Variants in XRCC4 observed in about 807,000 individuals in gnomAD.
The protein encoded by XRCC4 is DNA repair protein XRCC4.
In XRCC4, 28 loss-of-function variants were observed where a neutral mutation model predicts 39.1. The observed-to-expected ratio is 0.72, with a 90% CI of 0.53 to 0.98. XRCC4 has a LOEUF of 0.98. XRCC4 is among the 50% of genes least tolerant of loss of function. The pLI is 0.00. For synonymous variants in XRCC4, 123 were observed against 126.4 expected (o/e 0.97, Z 0.18); for missense variants, 350 against 376.4 (o/e 0.93, Z 0.58).
intron 3 of XRCC4, among the ~76,000 whole-genome samples, chr5:83,165,826 G>A (rs907722465): frequency 1.1e-4 from 16 of 151,712 alleles, no homozygotes; most frequent in African/African-American, 3.1e-4. Context: ...CATTCTTGTG[G>A]CTGCGTAGTA....
chr5:83,356,645 A>AT (rs1757193137), downstream of XRCC4: 1 of 419,236 alleles, frequency 2.4e-6, no homozygotes, highest in African/African-American at 2.1e-5. Context: ...TTATATAGAC[A>AT]GAGATCTACA....
chr5:83,215,642 C>A (rs1751829107), intron 6 of XRCC4, among the ~76,000 whole-genome samples: 1 of 152,098 alleles, frequency 6.6e-6, no homozygotes, highest in South Asian at 2.1e-4. Flanking sequence ...AAATGAGAAT[C>A]TAGAATTGAG....
chr5:83,080,162 C>T (rs1413712099), intron 1 of XRCC4, among the ~76,000 whole-genome samples: 2 of 152,134 alleles, frequency 1.3e-5, no homozygotes, highest in Non-Finnish European at 2.9e-5. Flanking sequence ...ATACAGTAGT[C>T]CCTCCTTATC....
intron 3 of XRCC4, among the ~76,000 whole-genome samples, chr5:83,189,993 G>A (rs1750622197): frequency 6.6e-6 from 1 of 152,174 alleles, no homozygotes; most frequent in Non-Finnish European, 1.5e-5. Context: ...GAACCCAGGA[G>A]GCGGAGCTTG....
chr5:83,357,348 A>G (rs1757201629), downstream of XRCC4, among the ~76,000 whole-genome samples: 1 of 152,212 alleles, frequency 6.6e-6, no homozygotes, highest in Non-Finnish European at 1.5e-5. Flanking sequence ...GTAATGAACT[A>G]TAATATGAAG....
At chr5:83,161,424 G>A (rs940713223) in intron 3 of XRCC4, among the ~76,000 whole-genome samples, 1 of 152,078 alleles carries the variant, frequency 6.6e-6, no homozygotes, top group Non-Finnish European at 1.5e-5. Flanking sequence ...GAGCCACCAC[G>A]ACCGGCCCTT....
chr5:83,368,000 G>A, the XRCC4 span, among the ~76,000 whole-genome samples: 3 of 151,448 alleles, frequency 2.0e-5, no homozygotes, highest in Non-Finnish European at 4.4e-5. Flanking sequence ...AAACACAGCT[G>A]ATGCAAGTGC....
chr5:83,344,415 C>CTTTTTTTTTTT (rs70973394), intron 7 of XRCC4, among the ~76,000 whole-genome samples: 7 of 115,240 alleles, frequency 6.1e-5, no homozygotes, highest in East Asian at 2.5e-4. Context: ...TTATTTTTCA[C>CTTTTTTTTTTT]TTTTTTTTTT....
chr5:83,162,781 C>T (rs1749276361), intron 3 of XRCC4, among the ~76,000 whole-genome samples: 1 of 152,152 alleles, frequency 6.6e-6, no homozygotes, highest in Admixed American at 6.5e-5. Flanking sequence ...AGAGGACTTT[C>T]ATCTTGTCCC....
intron 3 of XRCC4, among the ~76,000 whole-genome samples, chr5:83,116,225 A>G (rs1746703490): frequency 6.6e-6 from 1 of 152,210 alleles, no homozygotes; most frequent in Non-Finnish European, 1.5e-5. Flanking sequence ...GTTGCCAAAA[A>G]TGACCTCCTA....
At chr5:83,341,466 A>G (rs1756756948) in intron 7 of XRCC4, among the ~76,000 whole-genome samples, 1 of 152,206 alleles carries the variant, frequency 6.6e-6, no homozygotes, top group East Asian at 1.9e-4. Context: ...ATTTTAGTGT[A>G]TAATATGTAT....
chr5:83,370,528 C>T, the XRCC4 span, among the ~76,000 whole-genome samples: 2 of 152,142 alleles, frequency 1.3e-5, no homozygotes, highest in Non-Finnish European at 2.9e-5. Context: ...TACCCTACTG[C>T]CTGTCCAAGT....
intron 6 of XRCC4, among the ~76,000 whole-genome samples, chr5:83,238,155 A>C (rs939477672): frequency 1.3e-5 from 2 of 152,136 alleles, no homozygotes; most frequent in Non-Finnish European, 2.9e-5. Flanking sequence ...GAGAGGCCTT[A>C]TGGTATTCAA....
intron 7 of XRCC4, among the ~76,000 whole-genome samples, chr5:83,302,892 G>A (rs574405502): frequency 6.6e-6 from 1 of 152,206 alleles, no homozygotes; most frequent in African/African-American, 2.4e-5. Context: ...GGAGACTGAG[G>A]CACAGAGTCA....
chr5:83,374,124 C>G, the XRCC4 span, among the ~76,000 whole-genome samples: 4 of 151,986 alleles, frequency 2.6e-5, no homozygotes, highest in African/African-American at 9.7e-5. Flanking sequence ...GTAAGAGGAC[C>G]CAGAAGAGGT....
chr5:83,254,658 C>T (rs1032876940), intron 6 of XRCC4, among the ~76,000 whole-genome samples: 3 of 152,134 alleles, frequency 2.0e-5, no homozygotes, highest in Admixed American at 6.5e-5. Flanking sequence ...TAGCATTGCT[C>T]ATTTGGAGAC....
At chr5:83,350,961 A>G (rs1359694409) in intron 7 of XRCC4, among the ~76,000 whole-genome samples, 1 of 152,036 alleles carries the variant, frequency 6.6e-6, no homozygotes, top group Non-Finnish European at 1.5e-5. Context: ...AAGGTAGGGC[A>G]ATATGGTTTG....
intron 6 of XRCC4, among the ~76,000 whole-genome samples, chr5:83,243,494 G>A (rs1474486914): frequency 1.3e-5 from 2 of 152,136 alleles, no homozygotes; most frequent in Non-Finnish European, 2.9e-5. Context: ...CTGGGCTAGG[G>A]CCCACCTCCT....
chr5:83,372,881 CACTT>C, the XRCC4 span, among the ~76,000 whole-genome samples: 9 of 152,124 alleles, frequency 5.9e-5, no homozygotes, highest in African/African-American at 1.4e-4. Context: ...ATAAAAATAT[CACTT>C]ACAATACATT....
Sources: allele counts gnomAD v4.1 joint callset (sites outside exome capture counted in the v4.1 genomes callset), GRCh38; gene constraint gnomAD v4.1.1; transcripts MANE v1.5; gene names NCBI Gene and HGNC (gene_info 2026-07-23, HGNC 2026-07-21).